The following AGPS variants were observed in gnomAD, a reference collection of about 807,000 sequenced individuals.
AGPS encodes alkylglycerone phosphate synthase, also known as alkyldihydroxyacetonephosphate synthase, peroxisomal.
Under a neutral mutation model 90.7 loss-of-function variants are expected in AGPS, and 26 were observed. That is an observed-to-expected ratio of 0.29 (90% confidence interval 0.21 to 0.40). The LOEUF is 0.40. AGPS is among the 10% of genes least tolerant of loss of function. The probability of loss-of-function intolerance (pLI) is 1.00; values close to 1 mark genes in which losing one functional copy is unlikely to be tolerated. For synonymous variants in AGPS, 294 were observed against 285.3 expected, an observed-to-expected ratio of 1.03 and a Z score of -0.31; for missense variants, 540 against 816.1, an observed-to-expected ratio of 0.66 and a Z score of 4.12.
intron 1 of AGPS, among the ~76,000 whole-genome samples, chr2:177,412,095 G>A (rs1465587394): frequency 6.6e-6 from 1 of 152,148 alleles, no homozygotes; most frequent in African/African-American, 2.4e-5. Flanking sequence ...ACAGCATAGA[G>A]CTTCATTAGA....
chr2:177,455,871 G>T (rs1001061702), intron 8 of AGPS, among the ~76,000 whole-genome samples: 1 of 151,898 alleles, frequency 6.6e-6, no homozygotes, highest in Non-Finnish European at 1.5e-5. Context: ...ATATCTGAAG[G>T]TCAGCTTGTA....
chr2:177,483,610 A>G (rs1369420169), intron 11 of AGPS, among the ~76,000 whole-genome samples: 2 of 152,138 alleles, frequency 1.3e-5, no homozygotes, highest in Non-Finnish European at 2.9e-5. Context: ...GGCAGAAGTG[A>G]TTAGTAACAG....
At position 177,436,078 on chromosome 2, in the gene AGPS, C is replaced by T. The variant is rs935606964; in HGVS notation, c.442-686C>T. Among the ~76,000 whole-genome samples the T allele has an allele frequency of 2.0e-5, 3 of 148,188 alleles. No individual in the cohort carries two copies. In the East Asian group the frequency reaches 6.0e-4, roughly 30 times the overall value. On this transcript the variant is annotated intron_variant, in intron 3 of 19. Coordinates refer to ENST00000264167, the MANE Select transcript of AGPS (RefSeq NM_003659.4). The stretch of plus-strand genomic sequence containing the variant: ...CAGCTCTATAAAAATGGATTTATTA[C>T]TTATTTTGAGGCTTTCTGTTGATCA...
intron 14 of AGPS, among the ~76,000 whole-genome samples, chr2:177,502,114 A>G (rs544653489): frequency 2.6e-5 from 4 of 152,334 alleles, no homozygotes; most frequent in South Asian, 4.1e-4. Context: ...CCCAAGCACT[A>G]TTGCTGTACT....
rs541775803 is a variant in AGPS at position 177,531,843 on chromosome 2, T to A, written c.1856-6231T>A. Reference sequence around the variant, plus strand: ...AGAACCCAGAAATAGAGCACACAAATATGCCAAGCTGAGTTTGACGAAAGT... The same window carrying A: ...AGAACCCAGAAATAGAGCACACAAAAATGCCAAGCTGAGTTTGACGAAAGT... On this transcript the variant is annotated intron_variant, in intron 19 of 19. Transcript: ENST00000264167. Among the ~76,000 whole-genome samples the A allele has an allele frequency of 2.6e-5, 4 of 151,704 alleles. No individual in the cohort carries two copies. In the South Asian group the frequency reaches 8.3e-4, roughly 32 times the overall value.
intron 18 of AGPS, among the ~76,000 whole-genome samples, chr2:177,522,219 C>CT (rs1206781578): frequency 6.6e-6 from 1 of 152,084 alleles, no homozygotes; most frequent in Non-Finnish European, 1.5e-5. Flanking sequence ...AGTCTGAGTA[C>CT]TTTTTTGTCA....
intron 10 of AGPS, among the ~76,000 whole-genome samples, chr2:177,474,614 C>T (rs778553262): frequency 3.9e-5 from 6 of 152,148 alleles, no homozygotes; most frequent in East Asian, 1.9e-4. Flanking sequence ...ACTTGTGGAG[C>T]GGGTTAGAGA....
chr2:177,399,253 T>G (rs2105584378), intron 1 of AGPS, among the ~76,000 whole-genome samples: 1 of 152,348 alleles, frequency 6.6e-6, no homozygotes, highest in East Asian at 1.9e-4. Flanking sequence ...ATTTCCTTAT[T>G]ATTGAGAAGA....
intron 1 of AGPS, among the ~76,000 whole-genome samples, chr2:177,407,216 C>T (rs1685492265): frequency 6.6e-6 from 1 of 151,970 alleles, no homozygotes; most frequent in African/African-American, 2.4e-5. Flanking sequence ...GATTGTAAAG[C>T]CCTTAGCTTT....
chr2:177,531,964 A>G (rs540725869), intron 19 of AGPS, among the ~76,000 whole-genome samples: 2 of 152,282 alleles, frequency 1.3e-5, no homozygotes, highest in African/African-American at 4.8e-5. Context: ...TCTCATACCT[A>G]TACAAAAATT....
chr2:177,420,497 C>T (rs1370294666), intron 2 of AGPS, 139 bp downstream of exon 2: 3 of 669,098 alleles, frequency 4.5e-6, no homozygotes, highest in Admixed American at 4.5e-5. Flanking sequence ...CTTTTTGTCT[C>T]CTGGTAATAT....
intron 10 of AGPS, among the ~76,000 whole-genome samples, chr2:177,480,398 TA>T (rs1461800824): frequency 6.6e-6 from 1 of 152,092 alleles, no homozygotes; most frequent in African/African-American, 2.4e-5. Context: ...TATGCAGCCA[TA>T]AAAAATGATG....
intron 1 of AGPS, among the ~76,000 whole-genome samples, chr2:177,418,553 A>T (rs1685854856): frequency 6.6e-6 from 1 of 152,030 alleles, no homozygotes; most frequent in Non-Finnish European, 1.5e-5. Flanking sequence ...AATTATAATA[A>T]ATGTTGAAAT....
intron 19 of AGPS, among the ~76,000 whole-genome samples, chr2:177,531,148 A>C (rs2079133699): frequency 6.6e-6 from 1 of 151,920 alleles, no homozygotes; most frequent in Non-Finnish European, 1.5e-5. Context: ...GAAGCTGAAC[A>C]AAAAAATCAG....
At position 177,541,009 on chromosome 2, in the gene AGPS, A is replaced by G. The variant is rs2079229809; in HGVS notation, c.*2814A>G. The G allele has an allele frequency of 6.6e-6, 1 of 152,156 alleles. No individual in the cohort carries two copies. Among genetic ancestry groups the G allele is most frequent in the African/African-American group, 2.4e-5 (1 of 41,468 alleles). 9.4% of individuals were successfully genotyped at this position (152,156 alleles called of 1,614,324 possible). A position where few individuals can be genotyped will look rare whatever the true frequency, so the allele number is the denominator to read the frequency against. ...AAACCACATGTTTATTGTGCCCATC[A>G]TTTTACACAAAGAAAAGAGGATTAT... On this transcript the variant is annotated 3_prime_UTR_variant, in exon 20 of 20. Coordinates refer to ENST00000264167, the MANE Select transcript of AGPS (RefSeq NM_003659.4).
chr2:177,501,795 G>A (rs1017778706), intron 14 of AGPS, among the ~76,000 whole-genome samples: 1 of 152,146 alleles, frequency 6.6e-6, no homozygotes, highest in South Asian at 2.1e-4. Context: ...AGCCTCCTGA[G>A]TAGCTGGGAT....
intron 19 of AGPS, among the ~76,000 whole-genome samples, chr2:177,535,903 T>C (rs950372983): frequency 8.1e-5 from 12 of 147,304 alleles, no homozygotes; most frequent in Admixed American, 4.1e-4. Flanking sequence ...CGTACTGCCC[T>C]TTTTTTTTTT....
At chr2:177,433,943 C>T (rs1174615333) in intron 2 of AGPS, among the ~76,000 whole-genome samples, 3 of 152,248 alleles carry the variant, frequency 2.0e-5, no homozygotes, top group African/African-American at 7.2e-5. Flanking sequence ...TCACCCCAAA[C>T]ACTGTGCTCT....
At chr2:177,417,130 A>G (rs936867707) in intron 1 of AGPS, among the ~76,000 whole-genome samples, 2 of 152,222 alleles carry the variant, frequency 1.3e-5, no homozygotes, top group African/African-American at 4.8e-5. Context: ...AAGAATTACT[A>G]CAACACAGGG....
Sources: gnomAD v4.1 joint callset for allele counts (sites outside exome capture counted in the v4.1 genomes callset) on GRCh38, gnomAD v4.1.1 for gene constraint, MANE v1.5 for transcripts, NCBI Gene and HGNC (gene_info 2026-07-23, HGNC 2026-07-21) for gene names.